HMCN2: variants seen among roughly 807,000 people sequenced by gnomAD.
HMCN2 encodes hemicentin 2.
Under a neutral mutation model 377.5 loss-of-function variants are expected in HMCN2, and 325 were observed. The ratio of observed to expected loss-of-function variants is 0.86; its 90% CI spans 0.79 to 0.94. HMCN2 has a LOEUF of 0.94. Ranked by LOEUF, HMCN2 falls within the 40% of genes least tolerant of loss-of-function variation. The probability of loss-of-function intolerance (pLI) is 0.00; values close to 1 mark genes in which losing one functional copy is unlikely to be tolerated. For synonymous variants in HMCN2, 2,007 were observed against 2,046.8 expected (o/e 0.98, Z 0.53); for missense variants, 4,543 against 4,725.3 (o/e 0.96, Z 1.13).
At position 130,403,841 on chromosome 9, in the gene HMCN2, C is replaced by A. The variant is rs1052873935; in HGVS notation, c.12114C>A (p.Gly4038=). 1 of 1,289,760 alleles carries A rather than the reference C, an allele frequency of 7.8e-7. No individual in the cohort carries two copies. Among genetic ancestry groups the A allele is most frequent in the East Asian group, 5.5e-5 (1 of 18,022 alleles). The allele number at this position is 1,289,760 out of a possible 1,614,324, so 79.9% of individuals were successfully genotyped here. ...TCTGCATCGCTAAGAACAGTGCGGG[C>A]AGTGCCATGGGGAAGACGCGGCTGG... ...NYLCIAKNSA[G]SAMGKTRLVV... Residue 4038 remains glycine, a synonymous_variant, in exon 80 of 98, where the codon GGC becomes GGA. Transcript: ENST00000683500.
rs1375279656 is a variant in HMCN2 at position 130,348,547 on chromosome 9, C to T, written c.4027C>T (p.Pro1343Ser). ...SRRAKLVVYV[P>S]PSIREDGRKA... is the part of the protein sequence containing the mutation. Reference sequence around the variant, plus strand: ...CCTCGGCTCTCCTTGCCCCCAAGTGCCCCCCAGCATCCGGGAGGACGGGCG... The same window carrying T: ...CCTCGGCTCTCCTTGCCCCCAAGTGTCCCCCAGCATCCGGGAGGACGGGCG... Residue 1343 changes from proline to serine, a missense_variant and splice_region_variant, in exon 27 of 98, where the codon CCC (proline) becomes TCC (serine). Transcript: ENST00000683500. The T allele has an allele frequency of 2.3e-6, 3 of 1,303,534 alleles. No homozygotes were observed. The highest frequency in any genetic ancestry group is 5.6e-5 in the East Asian group (1 of 18,016). 80.7% of individuals were successfully genotyped at this position (1,303,534 alleles called of 1,614,324 possible).
chr9:130,351,452 A>C lies in HMCN2; in HGVS notation c.4460A>C (p.Gln1487Pro). Residue 1487 changes from glutamine to proline, a missense_variant, in exon 30 of 98, where the codon CAG (glutamine) becomes CCG (proline). By Grantham distance (76) the Gln-to-Pro change is moderately conservative. Around this residue, in one of 5 missense-constraint regions of HMCN2, gnomAD observed 1,032 missense variants for 1,285.1 expected, o/e 0.80. Coordinates refer to ENST00000683500, the MANE Select transcript of HMCN2 (RefSeq NM_001291815.2). The surrounding 1 kb of genome is among the most constrained non-coding windows in gnomAD (Gnocchi z 5.4). ...GTCCTTCCGGGAGGCCCTCACCTGC[A>C]GGTCCAGGAGGATGGCCAGGTTCTC... ...QPVLPGGPHL[Q>P]VQEDGQVLRI... 1 of 1,304,172 alleles carries C rather than the reference A, an allele frequency of 7.7e-7. No individual in the cohort carries two copies. Among genetic ancestry groups the C allele is most frequent in the Non-Finnish European group, 1.0e-6 (1 of 988,894 alleles). The allele number at this position is 1,304,172 out of a possible 1,614,324, so 80.8% of individuals were successfully genotyped here.
intron 7 of HMCN2, among the ~76,000 whole-genome samples, chr9:130,298,727 G>C (rs1273363093): frequency 6.6e-6 from 1 of 152,178 alleles, no homozygotes; most frequent in African/African-American, 2.4e-5. Context: ...AGTTAATGGG[G>C]TGGGGGACAG....
At position 130,321,810 on chromosome 9, in the gene HMCN2, C is replaced by T. The variant is rs1198635497; in HGVS notation, c.2799C>T (p.Ser933=). The T allele has an allele frequency of 2.6e-5, 4 of 152,226 alleles. No homozygotes were observed. The highest frequency in any genetic ancestry group is 9.7e-5 in the African/African-American group (4 of 41,432). The allele number at this position is 152,226 out of a possible 1,614,324, so 9.4% of individuals were successfully genotyped here. A position where few individuals can be genotyped will look rare whatever the true frequency, so the allele number is the denominator to read the frequency against. The part of the protein sequence containing the change: ...GRPLPPGSRH[S]IRADGSLHLD... Reference sequence around the variant, plus strand: ...AGCTCCCACCTGGCAGCCGGCATTCCATCCGAGCAGACGGCAGCCTCCACC... The same window carrying T: ...AGCTCCCACCTGGCAGCCGGCATTCTATCCGAGCAGACGGCAGCCTCCACC... Residue 933 remains serine, a synonymous_variant, in exon 19 of 98, where the codon TCC becomes TCT. Coordinates refer to ENST00000683500, the MANE Select transcript of HMCN2 (RefSeq NM_001291815.2).
rs1834845186 is a variant in HMCN2, at chr9:130,277,943, TCATCATCATCACCACCACCACCAC to T, written c.260-6638_260-6615del. 7.3e-4 allele frequency among the ~76,000 whole-genome samples: 5 copies of T among 6,826 alleles called. 1 individual carries two copies. Among genetic ancestry groups the T allele is most frequent in the African/African-American group, 1.3e-3 (1 of 768 alleles). 4.5% of individuals were successfully genotyped at this position (6,826 alleles called of 152,430 possible). ...ACCATCATCATCATCACCACCACCA[TCATCATCATCACCACCACCACCAC>T]CATCATCATCACCACCACCACGATC... On this transcript the variant is annotated intron_variant, in intron 1 of 97. Transcript: ENST00000683500.
chr9:130,388,757 T>G (rs1842148778), intron 62 of HMCN2, among the ~76,000 whole-genome samples: 1 of 150,356 alleles, frequency 6.7e-6, no homozygotes, highest in African/African-American at 2.5e-5. Flanking sequence ...CCTGTGAGGG[T>G]TTGGAAGCTC....
rs1160230496 is a variant in HMCN2 at position 130,398,675 on chromosome 9, G to A, written c.11451G>A (p.Lys3817=). The A allele has an allele frequency of 7.8e-7, 1 of 1,289,540 alleles. No individual in the cohort carries two copies. Among genetic ancestry groups the A allele is most frequent in the East Asian group, 5.5e-5 (1 of 18,026 alleles). The allele number at this position is 1,289,540 out of a possible 1,614,324, so 79.9% of individuals were successfully genotyped here. A position where few individuals can be genotyped will look rare whatever the true frequency, so the allele number is the denominator to read the frequency against. ...PLVVWWKDGQ[K]LDFRLQQGAY... Reference sequence around the variant, plus strand: ...TGGTCTGGTGGAAGGACGGACAGAAGCTGGACTTCCGCCTGCAGCAGGGCG... The same window carrying A: ...TGGTCTGGTGGAAGGACGGACAGAAACTGGACTTCCGCCTGCAGCAGGGCG... Residue 3817 remains lysine (K), a synonymous_variant, in exon 75 of 98, where the codon AAG becomes AAA. Coordinates refer to ENST00000683500, the MANE Select transcript of HMCN2 (RefSeq NM_001291815.2).
chr9:130,343,144 C>T (rs1329868132), intron 25 of HMCN2, among the ~76,000 whole-genome samples: 4 of 152,208 alleles, frequency 2.6e-5, no homozygotes, highest in African/African-American at 9.7e-5. Context: ...CTGGCTTCTG[C>T]CTTTTTGTGA....
chr9:130,382,749 C>G lies in HMCN2; in HGVS notation c.8616C>G (p.Val2872=), dbSNP rs532689402. The G allele has an allele frequency of 1.0e-6, 1 of 985,940 alleles. No homozygotes were observed. Among genetic ancestry groups the G allele is most frequent in the African/African-American group, 1.7e-5 (1 of 57,360 alleles). The allele number at this position is 985,940 out of a possible 1,614,324, so 61.1% of individuals were successfully genotyped here. ...EEVTVNASST[V]SLQCPALGNP... is the part of the protein sequence containing the mutation. Reference sequence around the variant, plus strand: ...TGACAGTCAATGCCAGCAGCACCGTCAGCCTGCAGTGCCCGGCCCTGGGAA... The same window carrying G: ...TGACAGTCAATGCCAGCAGCACCGTGAGCCTGCAGTGCCCGGCCCTGGGAA... The change falls in exon 56 of 98, where the codon GTC becomes GTG. Residue 2872 remains valine, a synonymous_variant. Coordinates refer to ENST00000683500, the MANE Select transcript of HMCN2 (RefSeq NM_001291815.2).
intron 4 of HMCN2, among the ~76,000 whole-genome samples, chr9:130,289,342 G>A (rs994926919): frequency 6.6e-6 from 1 of 152,146 alleles, no homozygotes; most frequent in South Asian, 2.1e-4. Context: ...GCGGAAGATG[G>A]GGGGGTGAGG....
At position 130,425,817 on chromosome 9, in the gene HMCN2, G is replaced by T; in HGVS notation, c.13772G>T (p.Gly4591Val). ...AGCATCCAGTACAACGCGGCCCGGGGCCCCCAGCCCCAGCTGGTGCAGCAC... is the reference window on the plus strand; with the variant it reads ...AGCATCCAGTACAACGCGGCCCGGGTCCCCCAGCCCCAGCTGGTGCAGCAC... ...NHSIQYNAAR[G>V]PQPQLVQHLR... The change falls in exon 90 of 98, where the codon GGC (glycine) becomes GTC (valine). Residue 4591 changes from glycine (G) to valine (V), a missense_variant. Physicochemically the swap from Gly to Val is moderately radical, Grantham distance 109. Transcript: ENST00000683500. 1 of 1,550,460 alleles carries T rather than the reference G, an allele frequency of 6.4e-7. No homozygotes were observed.
In HMCN2 at chr9:130,355,771, A is replaced by T; in HGVS notation, c.5172A>T (p.Glu1724Asp). Residue 1724 changes from glutamate to aspartate, a missense_variant, in exon 33 of 98, where the codon GAA becomes GAT. Physicochemically the swap from Glu to Asp is conservative, Grantham distance 45. Around this residue, in one of 5 missense-constraint regions of HMCN2, gnomAD observed 1,032 missense variants for 1,285.1 expected, o/e 0.80. Coordinates refer to ENST00000683500, the MANE Select transcript of HMCN2 (RefSeq NM_001291815.2). ...TGCCCCCACAGCTCCTGGTGGCTGA[A>T]GGCTTGGGACAGGTGACCACCATCG... Reference protein sequence around the residue: ...VQVPPQLLVAEGLGQVTTIVG... With the variant: ...VQVPPQLLVADGLGQVTTIVG... 1 of 1,303,616 alleles carries T rather than the reference A, an allele frequency of 7.7e-7. No homozygotes were observed. Among genetic ancestry groups the T allele is most frequent in the Middle Eastern group, 2.3e-4 (1 of 4,324 alleles). The allele number at this position is 1,303,616 out of a possible 1,614,324, so 80.8% of individuals were successfully genotyped here.
Position 130,348,650 on chromosome 9 carries a change from T to A in HMCN2, c.4130T>A (p.Ile1377Asn), listed in dbSNP as rs1421842676. 7.7e-7 allele frequency: 1 copy of A among 1,300,734 alleles called. No homozygotes were observed. 80.6% of individuals were successfully genotyped at this position (1,300,734 alleles called of 1,614,324 possible). A position where few individuals can be genotyped will look rare whatever the true frequency, so the allele number is the denominator to read the frequency against. The change falls in exon 27 of 98, where the codon ATC becomes AAC. Residue 1377 changes from isoleucine (I) to asparagine (N), a missense_variant. Around this residue, in one of 5 missense-constraint regions of HMCN2, gnomAD observed 1,032 missense variants for 1,285.1 expected, o/e 0.80. Coordinates refer to ENST00000683500, the MANE Select transcript of HMCN2 (RefSeq NM_001291815.2). ...GCGAACGGCTTTCCAGTCCCTGAGA[T>A]CGTGTGGCTGAAGGACGCGCAGCTG... ...CDANGFPVPE[I>N]VWLKDAQLIP...
At chr9:130,289,096 C>G (rs954692488) in intron 4 of HMCN2, among the ~76,000 whole-genome samples, 2 of 152,222 alleles carry the variant, frequency 1.3e-5, no homozygotes, top group Non-Finnish European at 1.5e-5. Context: ...GGCAAACTTG[C>G]CTGTCCTGCA....
At chr9:130,295,457 G>A (rs568391177) in intron 5 of HMCN2, among the ~76,000 whole-genome samples, 1 of 152,244 alleles carries the variant, frequency 6.6e-6, no homozygotes, top group Admixed American at 6.5e-5. Flanking sequence ...GAGCACCCAG[G>A]TCTAGAGGCC....
At chr9:130,316,700 G>A (rs1837579257) in intron 15 of HMCN2, among the ~76,000 whole-genome samples, 1 of 152,186 alleles carries the variant, frequency 6.6e-6, no homozygotes, top group African/African-American at 2.4e-5. Flanking sequence ...AGGCAGAAAG[G>A]GTCATTCCTG....
intron 81 of HMCN2, 91 bp from the exon 82 acceptor site, chr9:130,405,864 G>T (rs1249768369): frequency 2.0e-6 from 2 of 980,804 alleles, no homozygotes; most frequent in African/African-American, 1.7e-5. Context: ...CTCTGGGCTG[G>T]ATGCTCCATG....
chr9:130,429,585 C>T lies in HMCN2; in HGVS notation c.14226C>T (p.Asp4742=), dbSNP rs575152546. The T allele has an allele frequency of 5.0e-5, 77 of 1,550,304 alleles. No homozygotes were observed. Among genetic ancestry groups the T allele is most frequent in the African/African-American group, 9.6e-5 (7 of 73,034 alleles). ...TGGACGAATGCCTGGAGGGGTTGGA[C>T]GACTGTCACTACAACCAGCTCTGCG... ...EDVDECLEGL[D]DCHYNQLCEN... The change falls in exon 94 of 98, where the codon GAC becomes GAT. Residue 4742 remains aspartate (D), a synonymous_variant. Transcript: ENST00000683500.
chr9:130,395,226 T>C lies in HMCN2; in HGVS notation c.10790T>C (p.Val3597Ala). The C allele has an allele frequency of 1.6e-6, 2 of 1,288,840 alleles. No individual in the cohort carries two copies. The highest frequency in any genetic ancestry group is 2.0e-6 in the Non-Finnish European group (2 of 988,430). 79.8% of individuals were successfully genotyped at this position (1,288,840 alleles called of 1,614,324 possible). A position where few individuals can be genotyped will look rare whatever the true frequency, so the allele number is the denominator to read the frequency against. Residue 3597 changes from valine (V) to alanine (A), a missense_variant, in exon 71 of 98, where the codon GTT becomes GCT. This residue lies in a region of HMCN2 where 1,073 missense variants were observed against 1,319.5 expected (regional missense o/e 0.81). Coordinates refer to ENST00000683500, the MANE Select transcript of HMCN2 (RefSeq NM_001291815.2). ...RVRVQAPPNI[V>A]GPRGPRFVVG... ...CCCTTCCCAGCCCCTCCAAACATTGTTGGGCCCCGAGGCCCCCGCTTTGTG... is the reference window on the plus strand; with the variant it reads ...CCCTTCCCAGCCCCTCCAAACATTGCTGGGCCCCGAGGCCCCCGCTTTGTG...
Sources: gnomAD v4.1 joint callset for allele counts (sites outside exome capture counted in the v4.1 genomes callset) on GRCh38, gnomAD v4.1.1 for gene constraint, gnomAD v4.1.1 regional missense constraint, Gnocchi (gnomAD v3.1) non-coding constraint, MANE v1.5 for transcripts, NCBI Gene and HGNC (gene_info 2026-07-23, HGNC 2026-07-21) for gene names.